ACTR3B: variants seen among roughly 807,000 people sequenced by gnomAD.
ACTR3B encodes the protein actin related protein 3B, also known as actin-related protein 3B.
Under a neutral mutation model 59.0 loss-of-function variants are expected in ACTR3B, and 8 were observed. That is an observed-to-expected ratio of 0.14 (90% CI 0.08 to 0.24). The LOEUF (loss-of-function observed/expected upper bound fraction) is 0.24, where lower values mean the gene tolerates loss of function less well. ACTR3B is among the 10% of genes least tolerant of loss of function. The pLI is 1.00. For missense variants in ACTR3B, 245 were observed against 552.3 expected, an observed-to-expected ratio of 0.44 and a Z score of 5.58; for synonymous variants, 148 against 197.9, an observed-to-expected ratio of 0.75 and a Z score of 2.12.
At chr7:152,807,714 T>A (rs559775581) in intron 4 of ACTR3B, among the ~76,000 whole-genome samples, 1 of 152,352 alleles carries the variant, frequency 6.6e-6, no homozygotes, top group East Asian at 1.9e-4. Flanking sequence ...ACATTTGCAT[T>A]TTTGATAACT....
intron 4 of ACTR3B, among the ~76,000 whole-genome samples, chr7:152,804,616 A>G (rs965496935): frequency 3.3e-5 from 5 of 152,148 alleles, no homozygotes; most frequent in African/African-American, 9.7e-5. Flanking sequence ...GAGTTCTGTC[A>G]TTTGCGAGGT....
chr7:152,849,143 G>A (rs1351534393), intron 9 of ACTR3B, among the ~76,000 whole-genome samples: 3 of 152,208 alleles, frequency 2.0e-5, no homozygotes, highest in Non-Finnish European at 4.4e-5. Context: ...CAAGTACATA[G>A]CAGTGAAACC....
rs1796395927 is a variant in ACTR3B, at chr7:152,824,190, CTGTT to C, written c.858+681_858+684del. On this transcript the variant is annotated intron_variant, in intron 8 of 11. Coordinates refer to ENST00000256001, the MANE Select transcript of ACTR3B (RefSeq NM_020445.6). This position sits in a 1 kb window ranked among gnomAD's most constrained non-coding sequence, Gnocchi z 4.2. ...TATTCAGTAGGTGGGTTACAAACTG[CTGTT>C]TGTTTTTAGATGTGTATATGACTAT... is the stretch of plus-strand genomic sequence containing the variant. Among the ~76,000 whole-genome samples the C allele has an allele frequency of 6.6e-6, 1 of 152,170 alleles. No homozygotes were observed. The highest frequency in any genetic ancestry group is 2.4e-5 in the African/African-American group (1 of 41,438).
At chr7:152,825,953 C>T (rs1280503085) in intron 9 of ACTR3B, among the ~76,000 whole-genome samples, 2 of 152,208 alleles carry the variant, frequency 1.3e-5, no homozygotes, top group East Asian at 1.9e-4. Context: ...AGAAATCCTA[C>T]TGACAGCCCG....
chr7:152,774,898 ATTTTAC>A (rs1453932667), intron 1 of ACTR3B, among the ~76,000 whole-genome samples: 2 of 152,168 alleles, frequency 1.3e-5, no homozygotes, highest in African/African-American at 2.4e-5. Flanking sequence ...TCTGGGAACA[ATTTTAC>A]TTTTATCAAA....
chr7:152,789,624 T>C lies in ACTR3B; in HGVS notation c.100+6382T>C, dbSNP rs554260948. On this transcript the variant is annotated intron_variant, in intron 2 of 11. Coordinates refer to ENST00000256001, the MANE Select transcript of ACTR3B (RefSeq NM_020445.6). ...TCTGCAGATTCTTTAAAGTTTTCTA[T>C]GCAGACTATTGTATTGCCTTCAAAT... 6.6e-5 allele frequency among the ~76,000 whole-genome samples: 10 copies of C among 151,512 alleles called. 1 individual carries two copies. The South Asian group carries it at 1.7e-3, about 25-fold the overall frequency.
chr7:152,783,540 A>T (rs1233906553), intron 2 of ACTR3B, among the ~76,000 whole-genome samples: 1 of 152,078 alleles, frequency 6.6e-6, no homozygotes, highest in Non-Finnish European at 1.5e-5. Context: ...TTAAGTACAT[A>T]CAGTCTGTTA....
chr7:152,798,011 C>T (rs1216448822), intron 2 of ACTR3B, among the ~76,000 whole-genome samples: 1 of 152,106 alleles, frequency 6.6e-6, no homozygotes, highest in Admixed American at 6.6e-5. Context: ...GTGCAGATAG[C>T]TCTTTAACAT....
chr7:152,778,942 CCAAAAAAAAAAAAAAAAAAAAAAAAA>C (rs1563082409), intron 1 of ACTR3B, among the ~76,000 whole-genome samples: 5 of 41,554 alleles, frequency 1.2e-4, no homozygotes, highest in Non-Finnish European at 1.6e-4. Flanking sequence ...GACTGTGTCT[CCAAAAAAAAAAAAAAAAAAAAAAAAA>C]AAAAAAAAAA....
At chr7:152,835,167 C>T (rs1414931266) in intron 9 of ACTR3B, among the ~76,000 whole-genome samples, 1 of 152,158 alleles carries the variant, frequency 6.6e-6, no homozygotes, top group Non-Finnish European at 1.5e-5. Context: ...GGCCAAGCCG[C>T]GTGGGTCTCC....
At position 152,772,396 on chromosome 7, in the gene ACTR3B, G is replaced by A. The variant is rs533229076; in HGVS notation, c.45-10791G>A. On this transcript the variant is annotated intron_variant, in intron 1 of 11. Coordinates refer to ENST00000256001, the MANE Select transcript of ACTR3B (RefSeq NM_020445.6). Reference sequence around the variant, plus strand: ...AAGAAAAAGCCAGGTGTGGTGATGCGTGCCTGTGGTGTCAGTAACCTGGGA... The same window carrying A: ...AAGAAAAAGCCAGGTGTGGTGATGCATGCCTGTGGTGTCAGTAACCTGGGA... Among the ~76,000 whole-genome samples, 81 of 151,938 alleles carry A rather than the reference G, an allele frequency of 5.3e-4. 1 individual carries two copies. Among genetic ancestry groups the A allele is most frequent in the African/African-American group, 1.9e-3 (77 of 41,370 alleles).
chr7:152,826,965 T>G (rs2689579), intron 9 of ACTR3B, among the ~76,000 whole-genome samples: 5 of 148,096 alleles, frequency 3.4e-5, no homozygotes, highest in Non-Finnish European at 7.4e-5. Flanking sequence ...CTTTTCCCAC[T>G]GTATCACACT....
chr7:152,832,211 G>A (rs946885039), intron 9 of ACTR3B, among the ~76,000 whole-genome samples: 3 of 152,220 alleles, frequency 2.0e-5, no homozygotes, highest in Admixed American at 6.5e-5. Flanking sequence ...CTAGGAGGGT[G>A]GGGGGTCATT....
chr7:152,852,849 T>G (rs1416964169), intron 10 of ACTR3B, among the ~76,000 whole-genome samples: 4 of 152,052 alleles, frequency 2.6e-5, no homozygotes, highest in African/African-American at 9.7e-5. Flanking sequence ...TGGAGTGCAG[T>G]GGTGAGATCT....
chr7:152,794,768 G>C lies in ACTR3B; in HGVS notation c.101-5763G>C, dbSNP rs199857539. Among the ~76,000 whole-genome samples the C allele has an allele frequency of 9.0e-3, 1,368 of 152,118 alleles. 15 individuals are homozygous for C. Among genetic ancestry groups the C allele is most frequent in the East Asian group, 0.033 (172 of 5,162 alleles). On this transcript the variant is annotated intron_variant, in intron 2 of 11. Transcript: ENST00000256001. ...CGTCGTGGCCCACAAGACTTTTCTA[G>C]CCCATGTTCAGCCCAAGATCTCCAA...
chr7:152,763,086 C>T (rs1199981442), intron 1 of ACTR3B, among the ~76,000 whole-genome samples: 6 of 151,950 alleles, frequency 3.9e-5, no homozygotes, highest in South Asian at 2.1e-4. Context: ...GAGGCCGAGG[C>T]GGGCGGATCA....
intron 1 of ACTR3B, among the ~76,000 whole-genome samples, chr7:152,760,991 T>C (rs973347516): frequency 1.3e-5 from 2 of 152,194 alleles, no homozygotes; most frequent in African/African-American, 2.4e-5. Flanking sequence ...TATAGAAAAA[T>C]GCACTTGGTT....
At chr7:152,832,651 C>T (rs1037417517) in intron 9 of ACTR3B, among the ~76,000 whole-genome samples, 4 of 152,170 alleles carry the variant, frequency 2.6e-5, no homozygotes, top group African/African-American at 4.8e-5. Context: ...TGTGAGCCAC[C>T]ACACCTGGCC....
At chr7:152,807,657 A>G (rs1419670875) in intron 4 of ACTR3B, among the ~76,000 whole-genome samples, 2 of 152,208 alleles carry the variant, frequency 1.3e-5, no homozygotes, top group African/African-American at 4.8e-5. Flanking sequence ...TGTCAGCATT[A>G]ATATTATTTT....
Sources: allele counts gnomAD v4.1 joint callset (sites outside exome capture counted in the v4.1 genomes callset), GRCh38; gene constraint gnomAD v4.1.1; non-coding constraint Gnocchi (gnomAD v3.1); transcripts MANE v1.5; gene names NCBI Gene and HGNC (gene_info 2026-07-23, HGNC 2026-07-21).